Variants in ABCA5 observed in about 807,000 individuals in gnomAD.
ABCA5 encodes the protein ATP binding cassette subfamily A member 5, also known as cholesterol transporter ABCA5.
A neutral mutation model predicts 206.0 loss-of-function variants in ABCA5; 163 were observed. The observed-to-expected ratio is 0.79, with a 90% CI of 0.70 to 0.90. The LOEUF is 0.90. Among genes scored for constraint, ABCA5 ranks in the 40% least tolerant of loss-of-function variants. ABCA5 has a pLI of 0.00. For synonymous variants in ABCA5, 609 were observed against 613.8 expected (o/e 0.99, Z 0.11); for missense variants, 1,859 against 1,912.9 (o/e 0.97, Z 0.53).
Position 69,248,665 on chromosome 17 carries a change from A to C in ABCA5, c.4766-348T>G, listed in dbSNP as rs550662671. 7 of 188,790 alleles carry C rather than the reference A, an allele frequency of 3.7e-5. No individual in the cohort carries two copies. The East Asian group carries it at 9.8e-4, about 26-fold the overall frequency. 11.7% of individuals were successfully genotyped at this position (188,790 alleles called of 1,614,324 possible). A position where few individuals can be genotyped will look rare whatever the true frequency, so the allele number is the denominator to read the frequency against. ...GTAGCCTATTCTGGCTTCTTGAACT[A>C]GATTCTGGATATTGGTCCTATCTCC... On this transcript the variant is annotated intron_variant, in intron 37 of 38. Transcript: ENST00000392676.
chr17:69,288,582 A>G (rs966207285), intron 14 of ABCA5, among the ~76,000 whole-genome samples: 2 of 152,092 alleles, frequency 1.3e-5, no homozygotes, highest in African/African-American at 4.8e-5. Context: ...GAAATAAAAC[A>G]TGGAGGCCAG....
chr17:69,314,794 A>G (rs78988993), intron 1 of ABCA5: 76 of 166,256 alleles, frequency 4.6e-4, no homozygotes, highest in African/African-American at 1.8e-3. Flanking sequence ...AGAAATAGCA[A>G]ATCTTTTTTT....
rs910917944 is a variant in ABCA5, at chr17:69,249,905, C to A, written c.4765G>T (p.Ala1589Ser). Residue 1589 changes from alanine (A) to serine (S), a missense_variant and splice_region_variant, in exon 37 of 39, where the codon GCT becomes TCT. Coordinates refer to ENST00000392676, the MANE Select transcript of ABCA5 (RefSeq NM_172232.4). ...AGCCAAAATAGAAGATACTACTTAC[C>A]TTCTTCCAGCTTAAAAAAAGATTGT... ...LSQSFFKLEE[A>S]KHAFAIEEYS... is the part of the protein sequence containing the mutation. 1.9e-6 allele frequency: 3 copies of A among 1,548,310 alleles called. No individual in the cohort carries two copies. The highest frequency in any genetic ancestry group is 2.6e-6 in the Non-Finnish European group (3 of 1,149,102).
intron 14 of ABCA5, among the ~76,000 whole-genome samples, chr17:69,288,192 T>A (rs111582478): frequency 2.0e-5 from 3 of 152,078 alleles, no homozygotes; most frequent in African/African-American, 7.2e-5. Flanking sequence ...GGAAGACTAA[T>A]GAACATAAAG....
chr17:69,294,383 A>G (rs2075563015), intron 11 of ABCA5, among the ~76,000 whole-genome samples: 1 of 152,032 alleles, frequency 6.6e-6, no homozygotes, highest in Admixed American at 6.6e-5. Flanking sequence ...TTAGCTGGGC[A>G]TGGTGGCGTA....
rs375607708 is a variant in ABCA5, at chr17:69,284,272, G to A, written c.2273-200C>T. ...AGCTACTCAGGAGACTCAGGTGGGA[G>A]GATCACTTGAGCCCAGGAGTTTGAG... On this transcript the variant is annotated intron_variant, in intron 17 of 38. Transcript: ENST00000392676. Among the ~76,000 whole-genome samples the A allele has an allele frequency of 2.4e-4, 37 of 152,224 alleles. 1 individual carries two copies. In the East Asian group the frequency reaches 5.8e-3, roughly 24 times the overall value.
chr17:69,270,167 C>T (rs1448903756), intron 22 of ABCA5, among the ~76,000 whole-genome samples: 2 of 151,948 alleles, frequency 1.3e-5, no homozygotes, highest in Non-Finnish European at 2.9e-5. Context: ...TATTTTTTAG[C>T]ATATGAAAAT....
chr17:69,271,060 TTCTAA>T (rs2075268008), intron 21 of ABCA5, 97 bp downstream of exon 21: 25 of 1,373,800 alleles, frequency 1.8e-5, no homozygotes, highest in Non-Finnish European at 2.3e-5. Flanking sequence ...AAAATCTAAT[TTCTAA>T]CTCATAAGGT....
At chr17:69,318,666 G>A in intron 1 of ABCA5, 1 of 414,952 alleles carries the variant, frequency 2.4e-6, no homozygotes. Context: ...AAGAATAGAA[G>A]ATACATTAAA....
At chr17:69,248,706 T>C (rs933766330) in intron 37 of ABCA5, 1 of 162,484 alleles carries the variant, frequency 6.2e-6, no homozygotes, top group African/African-American at 2.4e-5. Flanking sequence ...CCTTTTGTTT[T>C]GTTTTGTTTT....
chr17:69,248,724 A>G (rs1050876826), intron 37 of ABCA5: 1 of 161,380 alleles, frequency 6.2e-6, no homozygotes, highest in Non-Finnish European at 1.3e-5. Context: ...TTTGTTTTTA[A>G]GACAAGGTCT....
chr17:69,309,474 T>C (rs763696208), intron 3 of ABCA5, 51 bp from the exon 4 acceptor site: 2 of 1,210,856 alleles, frequency 1.7e-6, no homozygotes, highest in South Asian at 1.9e-5. Flanking sequence ...AATACCACAA[T>C]ACAGTAGATC....
intron 4 of ABCA5, 70 bp downstream of exon 4, chr17:69,309,192 T>C: frequency 1.6e-6 from 2 of 1,279,040 alleles, no homozygotes; most frequent in East Asian, 2.6e-5. Context: ...ATATAAAATT[T>C]TGACTATGAA....
In ABCA5 at chr17:69,253,860, A is replaced by C; in HGVS notation, c.4254T>G (p.His1418Gln). The C allele has an allele frequency of 1.2e-6, 2 of 1,610,990 alleles. No homozygotes were observed. Among genetic ancestry groups the C allele is most frequent in the South Asian group, 1.1e-5 (1 of 90,762 alleles). ...DMKEVISRIT[H>Q]ALDLKEHLQK... ...GAAGATGTTCTTTTAAATCAAGTGC[A>C]TGTGTTATTCTGCAAAATGAACAAT... is the stretch of plus-strand genomic sequence containing the variant. Residue 1418 changes from histidine (H) to glutamine (Q), a missense_variant, in exon 33 of 39, where the codon CAT becomes CAG. Coordinates refer to ENST00000392676, the MANE Select transcript of ABCA5 (RefSeq NM_172232.4).
Position 69,259,833 on chromosome 17 carries a change from G to T in ABCA5, c.3640-36C>A, listed in dbSNP as rs766850338. The T allele has an allele frequency of 9.7e-6, 13 of 1,334,584 alleles. No homozygotes were observed. In the East Asian group the frequency reaches 2.7e-4, roughly 28 times the overall value. 82.7% of individuals were successfully genotyped at this position (1,334,584 alleles called of 1,614,324 possible). On this transcript the variant is annotated intron_variant, in intron 27 of 38. Coordinates refer to ENST00000392676, the MANE Select transcript of ABCA5 (RefSeq NM_172232.4). ...AACATGTAGCAGCTCATGACTAAAAGATTTGTTGTTGTTGTTGTTGTTTTT... is the reference window on the plus strand; with the variant it reads ...AACATGTAGCAGCTCATGACTAAAATATTTGTTGTTGTTGTTGTTGTTTTT...
chr17:69,296,459 TTAAAG>T (rs1453171142), intron 10 of ABCA5, among the ~76,000 whole-genome samples: 4 of 152,192 alleles, frequency 2.6e-5, no homozygotes, highest in Non-Finnish European at 5.9e-5. Flanking sequence ...TTCTTAAAAA[TTAAAG>T]TAATGAAATG....
intron 1 of ABCA5, among the ~76,000 whole-genome samples, chr17:69,322,415 C>T (rs989397285): frequency 1.4e-5 from 2 of 146,538 alleles, no homozygotes; most frequent in Non-Finnish European, 3.0e-5. Context: ...CCAAGTCCTA[C>T]GAAACATATT....
In ABCA5 at chr17:69,285,999, G is replaced by GA. The variant is rs1429260011; in HGVS notation, c.2170dup (p.Ser724PhefsTer5). 6.2e-7 allele frequency: 1 copy of GA among 1,612,670 alleles called. No homozygotes were observed. Among genetic ancestry groups the GA allele is most frequent in the Non-Finnish European group, 8.5e-7 (1 of 1,179,434 alleles). On this transcript the variant is annotated frameshift_variant, in exon 17 of 39. Transcript: ENST00000392676. LOFTEE classifies it high-confidence loss of function. ...AGGTATATGTTGTTTAACCAGTGAA[G>GA]AAAGAGATTCTGTGGCACAATATTT... is the stretch of plus-strand genomic sequence containing the variant.
In ABCA5 at chr17:69,326,118, T is replaced by C. The variant is rs2075895452; in HGVS notation, c.-16+934A>G. Among the ~76,000 whole-genome samples, 3 of 152,146 alleles carry C rather than the reference T, an allele frequency of 2.0e-5. No individual in the cohort carries two copies. In the South Asian group the frequency reaches 6.2e-4, roughly 32 times the overall value. ...TAGGGTCTGGCAGCCCGGGTTGGAA[T>C]CTCAACTCCATCCTTTTACTAGCTG... On this transcript the variant is annotated intron_variant, in intron 1 of 38. Transcript: ENST00000392676. This position sits in a 1 kb window ranked among gnomAD's most constrained non-coding sequence, Gnocchi z 4.8.
Sources: gnomAD v4.1 joint callset for allele counts (sites outside exome capture counted in the v4.1 genomes callset) on GRCh38, gnomAD v4.1.1 for gene constraint, Gnocchi (gnomAD v3.1) non-coding constraint, MANE v1.5 for transcripts, NCBI Gene and HGNC (gene_info 2026-07-23, HGNC 2026-07-21) for gene names.